The following RERE variants were observed in gnomAD, a reference collection of about 807,000 sequenced individuals.
RERE encodes arginine-glutamic acid dipeptide repeats.
RERE carries 40 observed loss-of-function variants against 146.1 expected under a neutral mutation model. That is an observed-to-expected ratio of 0.27 (90% CI 0.21 to 0.36). The LOEUF is 0.36. Among genes scored for constraint, RERE ranks in the 10% least tolerant of loss-of-function variants. RERE has a pLI of 1.00. For missense variants in RERE, 1,933 were observed against 2,138.7 expected (o/e 0.90, Z 1.90); for synonymous variants, 1,003 against 866.0 (o/e 1.16, Z -2.78).
At chr1:8,623,942 C>A (rs752971927) in intron 3 of RERE, among the ~76,000 whole-genome samples, 2 of 152,142 alleles carry the variant, frequency 1.3e-5, no homozygotes, top group African/African-American at 4.8e-5. Context: ...TTCTCTGACC[C>A]GTTTATATTA....
chr1:8,548,570 T>C (rs1468988034), intron 6 of RERE, among the ~76,000 whole-genome samples: 2 of 152,172 alleles, frequency 1.3e-5, no homozygotes, highest in Non-Finnish European at 2.9e-5. Flanking sequence ...GGGTTACAAA[T>C]TCTGAAACTA....
intron 1 of RERE, among the ~76,000 whole-genome samples, chr1:8,727,939 T>A (rs1020305197): frequency 1.3e-5 from 2 of 152,248 alleles, no homozygotes; most frequent in Non-Finnish European, 2.9e-5. Context: ...TTGTAGCATA[T>A]ATTAATTAAT....
At position 8,657,766 on chromosome 1, in the gene RERE, G is replaced by C. The variant is rs138144986; in HGVS notation, c.-144-1325C>G. 4.7e-3 allele frequency among the ~76,000 whole-genome samples: 717 copies of C among 152,254 alleles called. 3 individuals are homozygous for C. Among genetic ancestry groups the C allele is most frequent in the African/African-American group, 0.017 (690 of 41,536 alleles). ...GGAGGCTGAGGCAGGAGAATCGCTT[G>C]AACCTAGGAGGCAGAGGTTACAGTG... On this transcript the variant is annotated intron_variant, in intron 1 of 22. Transcript: ENST00000400908.
At chr1:8,666,255 C>A (rs938681162) in intron 1 of RERE, among the ~76,000 whole-genome samples, 1 of 152,174 alleles carries the variant, frequency 6.6e-6, no homozygotes, top group African/African-American at 2.4e-5. Flanking sequence ...ACTTTCAAAT[C>A]CATATTCTCT....
At chr1:8,582,420 T>TC (rs1646378226) in intron 4 of RERE, among the ~76,000 whole-genome samples, 1 of 151,744 alleles carries the variant, frequency 6.6e-6, no homozygotes, top group South Asian at 2.1e-4. Flanking sequence ...TTTTTCTTTT[T>TC]TTTTTTTTGG....
chr1:8,497,310 A>G, intron 9 of RERE, 95 bp downstream of exon 9: 1 of 1,378,466 alleles, frequency 7.3e-7, no homozygotes, highest in Non-Finnish European at 1.0e-6. Flanking sequence ...CGCCCAATAT[A>G]GAAATAAAAT....
intron 16 of RERE, 33 bp from the exon 17 acceptor site, chr1:8,361,909 G>T: frequency 1.4e-6 from 2 of 1,470,950 alleles, no homozygotes; most frequent in Non-Finnish European, 1.9e-6. Context: ...GAGCAATCAG[G>T]CCAAGGGAGA....
intron 1 of RERE, among the ~76,000 whole-genome samples, chr1:8,747,435 G>A (rs534315179): frequency 1.3e-5 from 2 of 152,214 alleles, no homozygotes; most frequent in South Asian, 4.2e-4. Context: ...CAGGCCAGAG[G>A]TGATGAAGGC....
intron 1 of RERE, among the ~76,000 whole-genome samples, chr1:8,711,542 T>TA (rs1322150411): frequency 6.6e-6 from 1 of 152,192 alleles, no homozygotes; most frequent in Non-Finnish European, 1.5e-5. Flanking sequence ...AATAGAGCGA[T>TA]ACGTTGAAAA....
intron 1 of RERE, among the ~76,000 whole-genome samples, chr1:8,720,178 CAGG>C (rs1177601227): frequency 6.6e-6 from 1 of 150,918 alleles, no homozygotes; most frequent in Non-Finnish European, 1.5e-5. Context: ...GAGGCTGAGG[CAGG>C]AGAATCGCTT....
At chr1:8,368,543 G>C (rs1024845473) in intron 12 of RERE, among the ~76,000 whole-genome samples, 1 of 151,598 alleles carries the variant, frequency 6.6e-6, no homozygotes, top group African/African-American at 2.4e-5. Context: ...GAGACAAAAG[G>C]GACCAAAAAC....
At chr1:8,590,605 T>C (rs1260156910) in intron 4 of RERE, among the ~76,000 whole-genome samples, 6 of 152,202 alleles carry the variant, frequency 3.9e-5, no homozygotes, top group Non-Finnish European at 1.5e-5. Flanking sequence ...GGTATTCTCA[T>C]TCTGGTACCT....
chr1:8,355,616 A>T lies in RERE; in HGVS notation c.4487-17T>A. ...AGGGGGTGCCTGCCGAACACAAAAC[A>T]ACCTGCGCTACAGAAATAGCCAGAG... On this transcript the variant is annotated splice_polypyrimidine_tract_variant and intron_variant, in intron 21 of 22. Transcript: ENST00000400908. 6.4e-7 allele frequency: 1 copy of T among 1,556,200 alleles called. No individual in the cohort carries two copies. Among genetic ancestry groups the T allele is most frequent in the Non-Finnish European group, 8.7e-7 (1 of 1,148,440 alleles).
chr1:8,674,698 C>T (rs1638795567), intron 1 of RERE, among the ~76,000 whole-genome samples: 1 of 152,178 alleles, frequency 6.6e-6, no homozygotes, highest in African/African-American at 2.4e-5. Flanking sequence ...GACAAACTTC[C>T]TCAATTTTGT....
chr1:8,707,537 AT>A (rs1377646706), intron 1 of RERE, among the ~76,000 whole-genome samples: 1 of 152,198 alleles, frequency 6.6e-6, no homozygotes, highest in East Asian at 1.9e-4. Flanking sequence ...AGGAAACTGC[AT>A]TTTTACATGA....
At chr1:8,679,322 G>A (rs1447079341) in intron 1 of RERE, among the ~76,000 whole-genome samples, 1 of 152,104 alleles carries the variant, frequency 6.6e-6, no homozygotes, top group East Asian at 1.9e-4. Flanking sequence ...GCAATCTAAG[G>A]CTTTATTCTT....
intron 22 of RERE, 69 bp downstream of exon 22, chr1:8,355,350 G>A: frequency 6.5e-7 from 1 of 1,535,144 alleles, no homozygotes; most frequent in Non-Finnish European, 8.9e-7. Flanking sequence ...GCCTGGCCCT[G>A]GGCACACGGG....
chr1:8,543,760 A>G (rs1645826689), intron 6 of RERE, among the ~76,000 whole-genome samples: 1 of 152,210 alleles, frequency 6.6e-6, no homozygotes, highest in South Asian at 2.1e-4. Context: ...AGACTTGCCA[A>G]ATGTCTCCTG....
intron 12 of RERE, among the ~76,000 whole-genome samples, chr1:8,417,292 T>C (rs535714645): frequency 6.6e-6 from 1 of 152,332 alleles, no homozygotes; most frequent in Admixed American, 6.5e-5. Flanking sequence ...TGCAGGAATA[T>C]GGTCTATGCA....
Sources: gnomAD v4.1 joint callset for allele counts (sites outside exome capture counted in the v4.1 genomes callset) on GRCh38, gnomAD v4.1.1 for gene constraint, MANE v1.5 for transcripts, NCBI Gene and HGNC (gene_info 2026-07-23, HGNC 2026-07-21) for gene names.